LUZP2: variants seen among roughly 807,000 people sequenced by gnomAD.
LUZP2 encodes the protein leucine zipper protein 2.
Under a neutral mutation model 51.6 loss-of-function variants are expected in LUZP2, and 52 were observed. The ratio of observed to expected loss-of-function variants is 1.01; its 90% CI spans 0.81 to 1.27. LUZP2 has a LOEUF of 1.27. Among genes scored for constraint, LUZP2 ranks in the 50% most tolerant of loss-of-function variants. The pLI, the probability that LUZP2 is intolerant of heterozygous loss-of-function variation, is 0.00. For missense variants in LUZP2, 436 were observed against 395.4 expected, an observed-to-expected ratio of 1.10 and a Z score of -0.87; for synonymous variants, 154 against 137.3, an observed-to-expected ratio of 1.12 and a Z score of -0.85.
At chr11:24,753,835 G>C (rs765448615) in intron 4 of LUZP2, among the ~76,000 whole-genome samples, 85 of 152,182 alleles carry the variant, frequency 5.6e-4, no homozygotes, top group Admixed American at 9.8e-4. Flanking sequence ...AATCAGTATA[G>C]CCATTACCCC....
chr11:24,917,295 T>C (rs932242295), intron 7 of LUZP2, among the ~76,000 whole-genome samples: 4 of 152,066 alleles, frequency 2.6e-5, no homozygotes, highest in Admixed American at 1.3e-4. Context: ...CCTGTTCACT[T>C]TGATGGTAGT....
chr11:25,027,548 T>C (rs1364852302), intron 9 of LUZP2, among the ~76,000 whole-genome samples: 1 of 152,154 alleles, frequency 6.6e-6, no homozygotes, highest in East Asian at 1.9e-4. Flanking sequence ...CTCTATCAGT[T>C]ATTATTTCTA....
At chr11:24,737,881 GTA>G (rs1565108225) in intron 3 of LUZP2, among the ~76,000 whole-genome samples, 1 of 152,012 alleles carries the variant, frequency 6.6e-6, no homozygotes, top group Non-Finnish European at 1.5e-5. Flanking sequence ...TCATACCCCA[GTA>G]TGCTGTTAGT....
In LUZP2 at chr11:24,713,615, A is replaced by G. The variant is rs536483597; in HGVS notation, c.63-15554A>G. Among the ~76,000 whole-genome samples, 3 of 151,340 alleles carry G rather than the reference A, an allele frequency of 2.0e-5. No individual in the cohort carries two copies. The South Asian group carries it at 6.3e-4, about 32-fold the overall frequency. On this transcript the variant is annotated intron_variant, in intron 1 of 11. Coordinates refer to ENST00000336930, the MANE Select transcript of LUZP2 (RefSeq NM_001009909.4). Reference sequence around the variant, plus strand: ...AGCACTTTGGGAGGCCAAAGTGGCAAGATCACCTGAGGCCAGGATTTCGAG... The same window carrying G: ...AGCACTTTGGGAGGCCAAAGTGGCAGGATCACCTGAGGCCAGGATTTCGAG...
intron 3 of LUZP2, among the ~76,000 whole-genome samples, chr11:24,735,232 G>A (rs536220307): frequency 2.1e-4 from 32 of 151,950 alleles, no homozygotes; most frequent in African/African-American, 7.5e-4. Context: ...GTGAGAAAAT[G>A]AGAGTCATGT....
At chr11:25,015,235 T>A (rs1439886799) in intron 9 of LUZP2, among the ~76,000 whole-genome samples, 7 of 152,190 alleles carry the variant, frequency 4.6e-5, no homozygotes, top group African/African-American at 1.7e-4. Flanking sequence ...AACTTTTAGT[T>A]TGGAATACCT....
At chr11:24,605,931 A>G (rs1348539897) in intron 1 of LUZP2, among the ~76,000 whole-genome samples, 1 of 151,782 alleles carries the variant, frequency 6.6e-6, no homozygotes, top group African/African-American at 2.4e-5. Flanking sequence ...GTTTTAGATT[A>G]CATATTAATT....
At chr11:24,667,130 T>C (rs1204982673) in intron 1 of LUZP2, among the ~76,000 whole-genome samples, 1 of 152,102 alleles carries the variant, frequency 6.6e-6, no homozygotes, top group East Asian at 1.9e-4. Flanking sequence ...ACTTTTCTTC[T>C]TATATTCAAA....
chr11:24,690,843 A>T (rs1306952495), intron 1 of LUZP2, among the ~76,000 whole-genome samples: 2 of 152,044 alleles, frequency 1.3e-5, no homozygotes, highest in Admixed American at 1.3e-4. Flanking sequence ...AAAATTTCTC[A>T]TAGTGGGAGA....
chr11:24,640,288 G>A (rs1015844919), intron 1 of LUZP2, among the ~76,000 whole-genome samples: 5 of 151,852 alleles, frequency 3.3e-5, no homozygotes, highest in Admixed American at 1.3e-4. Context: ...CATCTTGGTC[G>A]TTACTAACTA....
intron 7 of LUZP2, among the ~76,000 whole-genome samples, chr11:24,930,247 G>T (rs750217566): frequency 1.5e-4 from 23 of 152,114 alleles, no homozygotes; most frequent in Non-Finnish European, 8.8e-5. Context: ...CTATTGAGAT[G>T]TGCGGTACTA....
At chr11:24,799,902 G>T (rs1051389584) in intron 5 of LUZP2, among the ~76,000 whole-genome samples, 1 of 152,080 alleles carries the variant, frequency 6.6e-6, no homozygotes. Context: ...ATAAGTTTAG[G>T]CATTGAGCAT....
chr11:24,500,715 G>A (rs1489682888), intron 1 of LUZP2, among the ~76,000 whole-genome samples: 1 of 152,092 alleles, frequency 6.6e-6, no homozygotes, highest in African/African-American at 2.4e-5. Flanking sequence ...TGGCAGGGGA[G>A]GAGTGAAGGT....
intron 9 of LUZP2, among the ~76,000 whole-genome samples, chr11:25,028,229 T>C (rs1372627693): frequency 6.6e-6 from 1 of 152,182 alleles, no homozygotes; most frequent in Admixed American, 6.6e-5. Context: ...TTATAGTCTT[T>C]CATTTATTTT....
At chr11:25,065,013 G>T (rs1289446947) in intron 10 of LUZP2, among the ~76,000 whole-genome samples, 3 of 152,016 alleles carry the variant, frequency 2.0e-5, no homozygotes, top group African/African-American at 7.2e-5. Context: ...GCTTTGTTTG[G>T]AGATAACATT....
chr11:24,834,566 T>G (rs1331043279), intron 5 of LUZP2, among the ~76,000 whole-genome samples: 1 of 152,210 alleles, frequency 6.6e-6, no homozygotes, highest in Non-Finnish European at 1.5e-5. Context: ...CATGTGCATG[T>G]GTCTTTATAG....
chr11:24,537,241 C>G (rs34406948), intron 1 of LUZP2, among the ~76,000 whole-genome samples: 11,333 of 151,944 alleles, frequency 0.075, 576 homozygotes, highest in Non-Finnish European at 0.11. Flanking sequence ...CACTGATAGG[C>G]TTGCTTGATG....
intron 5 of LUZP2, among the ~76,000 whole-genome samples, chr11:24,783,778 G>T (rs1374408829): frequency 6.6e-6 from 1 of 151,892 alleles, no homozygotes; most frequent in Non-Finnish European, 1.5e-5. Context: ...GTTGAGGAGG[G>T]GAAGGAGTAC....
intron 1 of LUZP2, among the ~76,000 whole-genome samples, chr11:24,498,711 T>A (rs1849903349): frequency 6.6e-6 from 1 of 152,230 alleles, no homozygotes; most frequent in Non-Finnish European, 1.5e-5. Flanking sequence ...AACAGTTCAA[T>A]ACAAATTATG....
Sources: gnomAD v4.1 joint callset for allele counts (sites outside exome capture counted in the v4.1 genomes callset) on GRCh38, gnomAD v4.1.1 for gene constraint, MANE v1.5 for transcripts, NCBI Gene and HGNC (gene_info 2026-07-23, HGNC 2026-07-21) for gene names.